Variants in EEPD1 observed in about 807,000 individuals in gnomAD.
The protein encoded by EEPD1 is endonuclease/exonuclease/phosphatase family domain-containing protein 1.
In EEPD1, 17 loss-of-function variants were observed where a neutral mutation model predicts 46.3. The observed-to-expected ratio is 0.37, with a 90% CI of 0.25 to 0.55. The LOEUF (loss-of-function observed/expected upper bound fraction) is 0.55. Ranked by LOEUF, EEPD1 falls within the 20% of genes least tolerant of loss-of-function variation. The pLI is 0.83. For missense variants in EEPD1, 673 were observed against 745.6 expected, an observed-to-expected ratio of 0.90 and a Z score of 1.13; for synonymous variants, 313 against 315.6, an observed-to-expected ratio of 0.99 and a Z score of 0.09.
chr7:36,274,654 C>A (rs1787158505), intron 3 of EEPD1, among the ~76,000 whole-genome samples: 1 of 152,120 alleles, frequency 6.6e-6, no homozygotes, highest in Non-Finnish European at 1.5e-5. Context: ...AACCCATCAC[C>A]TAGGTATTAA....
At chr7:36,254,486 C>T (rs1786798665) in intron 3 of EEPD1, among the ~76,000 whole-genome samples, 1 of 152,286 alleles carries the variant, frequency 6.6e-6, no homozygotes, top group Non-Finnish European at 1.5e-5. Flanking sequence ...CATAGTATTC[C>T]ATGGTATATA....
rs193120466 is a variant in EEPD1, at chr7:36,154,178, T to G, written c.-147T>G. The stretch of plus-strand genomic sequence containing the variant: ...TTTGGACACGCCAGGCATGGAAGAT[T>G]CGGTGTTTGTCTATAGTAACCTCTT... On this transcript the variant is annotated 5_prime_UTR_variant, in exon 2 of 8. In the 5' UTR this introduces an upstream ATG that the reference lacks. Transcript: ENST00000242108. This position sits in a 1 kb window ranked among gnomAD's most constrained non-coding sequence, Gnocchi z 4.2. The G allele has an allele frequency of 2.9e-4, 276 of 966,868 alleles. No individual in the cohort carries two copies. The East Asian group carries it at 6.9e-3, about 24-fold the overall frequency. The allele number at this position is 966,868 out of a possible 1,614,324, so 59.9% of individuals were successfully genotyped here. A position where few individuals can be genotyped will look rare whatever the true frequency, so the allele number is the denominator to read the frequency against.
At chr7:36,187,850 G>A (rs1035467131) in intron 2 of EEPD1, among the ~76,000 whole-genome samples, 1 of 152,158 alleles carries the variant, frequency 6.6e-6, no homozygotes, top group African/African-American at 2.4e-5. Context: ...AGGCTGGAGT[G>A]CAGTGGCATG....
intron 2 of EEPD1, among the ~76,000 whole-genome samples, chr7:36,205,877 ACTCT>A (rs1785807117): frequency 6.6e-6 from 1 of 151,828 alleles, no homozygotes; most frequent in Admixed American, 6.6e-5. Context: ...CCCCATAGAA[ACTCT>A]CTCTCAGACT....
intron 2 of EEPD1, among the ~76,000 whole-genome samples, chr7:36,232,581 T>C (rs1786353838): frequency 6.6e-6 from 1 of 151,072 alleles, no homozygotes; most frequent in African/African-American, 2.4e-5. Context: ...CATAATACTA[T>C]TTGGTATTGG....
intron 2 of EEPD1, among the ~76,000 whole-genome samples, chr7:36,231,992 A>ACTG (rs1786339646): frequency 6.6e-6 from 1 of 152,220 alleles, no homozygotes; most frequent in African/African-American, 2.4e-5. Flanking sequence ...ACCCTTAAGG[A>ACTG]CTGCAACTCT....
intron 2 of EEPD1, among the ~76,000 whole-genome samples, chr7:36,198,324 G>GAAAAAAAAAAAAAAAA (rs1192041161): frequency 4.0e-5 from 1 of 25,250 alleles, no homozygotes; most frequent in African/African-American, 1.3e-4. Context: ...CTGGTCTTAA[G>GAAAAAAAAAAAAAAAA]AAAAAAAAAA....
chr7:36,211,583 A>T (rs1785934026), intron 2 of EEPD1, among the ~76,000 whole-genome samples: 1 of 152,188 alleles, frequency 6.6e-6, no homozygotes, highest in Non-Finnish European at 1.5e-5. Context: ...AAACCCTGAG[A>T]AAAAAATCAG....
At chr7:36,281,562 G>A (rs1023656290) in intron 4 of EEPD1, among the ~76,000 whole-genome samples, 5 of 152,184 alleles carry the variant, frequency 3.3e-5, no homozygotes, top group South Asian at 2.1e-4. Flanking sequence ...CTCATTACTC[G>A]TTGACTGAAA....
chr7:36,210,340 C>T (rs1253557421), intron 2 of EEPD1, among the ~76,000 whole-genome samples: 1 of 152,168 alleles, frequency 6.6e-6, no homozygotes, highest in East Asian at 1.9e-4. Context: ...TAAACCAATG[C>T]AAAGGGTATT....
chr7:36,257,187 T>C (rs1786840339), intron 3 of EEPD1, among the ~76,000 whole-genome samples: 1 of 152,178 alleles, frequency 6.6e-6, no homozygotes, highest in African/African-American at 2.4e-5. Context: ...TGCAGAGGGA[T>C]CAGCTGTTAG....
chr7:36,228,279 G>A lies in EEPD1; in HGVS notation c.879-10706G>A, dbSNP rs984836555. ...CATGGTGGCTACCCGCCCTAATCCC[G>A]CACTTCGGGAGGTTGAGACAGGCAG... On this transcript the variant is annotated intron_variant, in intron 2 of 7. Coordinates refer to ENST00000242108, the MANE Select transcript of EEPD1 (RefSeq NM_030636.3). 1.6e-4 allele frequency among the ~76,000 whole-genome samples: 24 copies of A among 152,098 alleles called. 1 individual carries two copies. The highest frequency in any genetic ancestry group is 3.1e-4 in the Non-Finnish European group (21 of 68,010).
chr7:36,188,298 A>G (rs1785399565), intron 2 of EEPD1, among the ~76,000 whole-genome samples: 1 of 152,244 alleles, frequency 6.6e-6, no homozygotes, highest in East Asian at 1.9e-4. Context: ...GTATAGCAAT[A>G]ATGATTGTAT....
chr7:36,153,358 C>A lies in EEPD1; in HGVS notation c.-509C>A, dbSNP rs1337436680. 1.3e-5 allele frequency: 2 copies of A among 148,860 alleles called. No individual in the cohort carries two copies. The highest frequency in any genetic ancestry group is 2.5e-5 in the African/African-American group (1 of 40,666). The allele number at this position is 148,860 out of a possible 1,614,324, so 9.2% of individuals were successfully genotyped here. ...CCGAGTTGGGCGCAGGACTTTTTGC[C>A]GGGGTAAACGCAACTGCGGCGGCGC... On this transcript the variant is annotated 5_prime_UTR_variant, in exon 1 of 8. Transcript: ENST00000242108.
At chr7:36,277,734 G>A (rs181786361) in intron 3 of EEPD1, among the ~76,000 whole-genome samples, 3 of 152,286 alleles carry the variant, frequency 2.0e-5, no homozygotes, top group African/African-American at 7.2e-5. Flanking sequence ...GACATAGAAT[G>A]CTTGTAGCCA....
At chr7:36,170,799 A>G (rs1785066033) in intron 2 of EEPD1, among the ~76,000 whole-genome samples, 1 of 152,118 alleles carries the variant, frequency 6.6e-6, no homozygotes, top group Admixed American at 6.6e-5. Context: ...CCCCGACCAC[A>G]ATGGAGATCC....
At chr7:36,246,350 G>T (rs1786640603) in intron 3 of EEPD1, among the ~76,000 whole-genome samples, 2 of 152,238 alleles carry the variant, frequency 1.3e-5, no homozygotes, top group Non-Finnish European at 2.9e-5. Context: ...GCCAGGTACT[G>T]GCTAGCCTCT....
chr7:36,291,898 G>A (rs1453936326), intron 6 of EEPD1, among the ~76,000 whole-genome samples: 1 of 152,218 alleles, frequency 6.6e-6, no homozygotes, highest in East Asian at 1.9e-4. Context: ...GCTGGGGGGC[G>A]AGTGTTCTTT....
chr7:36,198,415 CAA>C (rs70977116), intron 2 of EEPD1, among the ~76,000 whole-genome samples: 2,361 of 93,690 alleles, frequency 0.025, 53 homozygotes, highest in African/African-American at 0.073. Context: ...TTTAATAAAC[CAA>C]AAAAAAAAAA....
Sources: allele counts gnomAD v4.1 joint callset (sites outside exome capture counted in the v4.1 genomes callset), GRCh38; gene constraint gnomAD v4.1.1; non-coding constraint Gnocchi (gnomAD v3.1); transcripts MANE v1.5; gene names NCBI Gene and HGNC (gene_info 2026-07-23, HGNC 2026-07-21).